The following NCKAP1 variants were observed in gnomAD, a reference collection of about 807,000 sequenced individuals.
NCKAP1 encodes nck-associated protein 1.
A neutral mutation model predicts 151.2 loss-of-function variants in NCKAP1; 21 were observed. That is an observed-to-expected ratio of 0.14 (90% CI 0.10 to 0.20). NCKAP1 has a LOEUF of 0.20. Ranked by LOEUF, NCKAP1 falls within the 10% of genes least tolerant of loss-of-function variation. The pLI is 1.00. For missense variants in NCKAP1, 933 were observed against 1,352.1 expected (o/e 0.69, Z 4.86); for synonymous variants, 484 against 451.8 (o/e 1.07, Z -0.90).
At position 182,949,831 on chromosome 2, in the gene NCKAP1, T is replaced by C. The variant is rs555877105; in HGVS notation, c.2601+2574A>G. 5.3e-5 allele frequency among the ~76,000 whole-genome samples: 8 copies of C among 152,272 alleles called. 1 individual carries two copies. Among genetic ancestry groups the C allele is most frequent in the African/African-American group, 1.9e-4 (8 of 41,568 alleles). On this transcript the variant is annotated intron_variant, in intron 23 of 30. Coordinates refer to ENST00000361354, the MANE Select transcript of NCKAP1 (RefSeq NM_013436.5). Reference sequence around the variant, plus strand: ...CAAACAAAGCTAGCTATTTTTATTTTTGCATCCAACAAATATTTACTAAGT... The same window carrying C: ...CAAACAAAGCTAGCTATTTTTATTTCTGCATCCAACAAATATTTACTAAGT...
intron 24 of NCKAP1, among the ~76,000 whole-genome samples, chr2:182,935,806 T>A (rs1339301146): frequency 3.3e-5 from 5 of 152,124 alleles, no homozygotes; most frequent in East Asian, 3.9e-4. Flanking sequence ...GCCCAGGAAC[T>A]CAGCAGTGCT....
At chr2:182,964,055 T>C (rs1360150819) in intron 17 of NCKAP1, among the ~76,000 whole-genome samples, 1 of 152,128 alleles carries the variant, frequency 6.6e-6, no homozygotes, top group Non-Finnish European at 1.5e-5. Context: ...AATAAAGAAA[T>C]ACATTATTTA....
chr2:183,037,873 G>A (rs1699134844), intron 1 of NCKAP1, 119 bp downstream of exon 1: 1 of 719,912 alleles, frequency 1.4e-6, no homozygotes, highest in Non-Finnish European at 2.1e-6. Context: ...GGCCTCGGGC[G>A]GCGACGCCGA....
At chr2:183,030,383 T>C (rs1478755681) in intron 1 of NCKAP1, among the ~76,000 whole-genome samples, 1 of 152,176 alleles carries the variant, frequency 6.6e-6, no homozygotes, top group Non-Finnish European at 1.5e-5. Context: ...ATTCCTTTGC[T>C]AAAATATGGA....
intron 8 of NCKAP1, among the ~76,000 whole-genome samples, chr2:182,993,572 C>A (rs1306472264): frequency 1.3e-5 from 2 of 152,054 alleles, no homozygotes; most frequent in Admixed American, 1.3e-4. Context: ...ATATCCTTTG[C>A]AGTAACACGG....
intron 23 of NCKAP1, among the ~76,000 whole-genome samples, chr2:182,946,520 C>G (rs988443385): frequency 6.6e-6 from 1 of 151,768 alleles, no homozygotes; most frequent in Admixed American, 6.6e-5. Flanking sequence ...ACAAAATAAT[C>G]TGTGTGCCAA....
Position 182,994,819 on chromosome 2 carries a change from C to A in NCKAP1, c.790+20G>T. On this transcript the variant is annotated intron_variant, in intron 8 of 30. Coordinates refer to ENST00000361354, the MANE Select transcript of NCKAP1 (RefSeq NM_013436.5). ...CATAAAGCCTGGGGAGTAATCATAACACTAACCCATTTTACTTACAGATAA... is the reference window on the plus strand; with the variant it reads ...CATAAAGCCTGGGGAGTAATCATAAAACTAACCCATTTTACTTACAGATAA... The A allele has an allele frequency of 2.5e-6, 4 of 1,583,708 alleles. No individual in the cohort carries two copies. The highest frequency in any genetic ancestry group is 3.5e-6 in the Non-Finnish European group (4 of 1,152,788).
At position 183,002,284 on chromosome 2, in the gene NCKAP1, A is replaced by G. The variant is rs759049242; in HGVS notation, c.370-15T>C. ...AAGTTTACAGTCTAGGAGAAAAAAAAATCAAGTTCAACTACTTCCTATTTC... is the reference window on the plus strand; with the variant it reads ...AAGTTTACAGTCTAGGAGAAAAAAAGATCAAGTTCAACTACTTCCTATTTC... On this transcript the variant is annotated splice_polypyrimidine_tract_variant and intron_variant, in intron 4 of 30. Coordinates refer to ENST00000361354, the MANE Select transcript of NCKAP1 (RefSeq NM_013436.5). 3.2e-5 allele frequency: 46 copies of G among 1,460,208 alleles called. No homozygotes were observed. The African/African-American group carries it at 4.7e-4, about 15-fold the overall frequency. 90.5% of individuals were successfully genotyped at this position (1,460,208 alleles called of 1,614,324 possible). A position where few individuals can be genotyped will look rare whatever the true frequency, so the allele number is the denominator to read the frequency against.
chr2:183,011,187 C>T (rs572612959), intron 2 of NCKAP1, among the ~76,000 whole-genome samples: 3 of 152,196 alleles, frequency 2.0e-5, no homozygotes, highest in East Asian at 1.9e-4. Context: ...TTTGCCTAAC[C>T]GGACTCAACA....
intron 9 of NCKAP1, among the ~76,000 whole-genome samples, chr2:182,988,442 T>C (rs530905499): frequency 1.3e-5 from 2 of 152,190 alleles, no homozygotes; most frequent in Admixed American, 1.3e-4. Flanking sequence ...TTGGCTTTTA[T>C]ATATTGGCTA....
Position 182,958,140 on chromosome 2 carries a change from ATTTTC to A in NCKAP1, c.1882-549_1882-545del, listed in dbSNP as rs776835923. Among the ~76,000 whole-genome samples the A allele has an allele frequency of 2.4e-4, 36 of 152,062 alleles. 1 individual carries two copies. The highest frequency in any genetic ancestry group is 7.8e-4 in the East Asian group (4 of 5,160). ...TAAAATAGCCACAGCATGAGGAGACATTTTCTTTTCTTTTCTTTTCTTTTGAGAAG... is the reference window on the plus strand; with the variant it reads ...TAAAATAGCCACAGCATGAGGAGACATTTTCTTTTCTTTTCTTTTGAGAAG... On this transcript the variant is annotated intron_variant, in intron 18 of 30. Coordinates refer to ENST00000361354, the MANE Select transcript of NCKAP1 (RefSeq NM_013436.5).
rs991559076 is a variant in NCKAP1 at position 182,919,458 on chromosome 2, T to C, written c.*6244A>G. On this transcript the variant is annotated 3_prime_UTR_variant, in exon 31 of 31. Transcript: ENST00000361354. ...AGAATCTGCATGCAATCAATGACCA[T>C]GTGACTAACGTAAGTTATGGTCATA... 2.6e-5 allele frequency: 4 copies of C among 152,198 alleles called. No individual in the cohort carries two copies. The highest frequency in any genetic ancestry group is 2.1e-4 in the South Asian group (1 of 4,836). 9.4% of individuals were successfully genotyped at this position (152,198 alleles called of 1,614,324 possible). A position where few individuals can be genotyped will look rare whatever the true frequency, so the allele number is the denominator to read the frequency against.
chr2:182,999,585 C>G (rs1476991639), intron 6 of NCKAP1, among the ~76,000 whole-genome samples: 2 of 152,180 alleles, frequency 1.3e-5, no homozygotes, highest in African/African-American at 4.8e-5. Context: ...CTGTGGAAAG[C>G]AGTTTGATGA....
At chr2:182,956,420 T>C (rs764174907) in intron 20 of NCKAP1, 42 bp downstream of exon 20, 1 of 1,579,644 alleles carries the variant, frequency 6.3e-7, no homozygotes, top group Non-Finnish European at 8.7e-7. Flanking sequence ...AACAAACTCA[T>C]TACTGAGTCA....
intron 15 of NCKAP1, among the ~76,000 whole-genome samples, chr2:182,973,783 T>C (rs1213179072): frequency 6.6e-6 from 1 of 152,172 alleles, no homozygotes; most frequent in African/African-American, 2.4e-5. Context: ...CTTACAGTAA[T>C]CCTTTATACT....
intron 15 of NCKAP1, among the ~76,000 whole-genome samples, chr2:182,973,931 T>C (rs1697750825): frequency 6.6e-6 from 1 of 152,228 alleles, no homozygotes; most frequent in African/African-American, 2.4e-5. Flanking sequence ...ATGACATCTC[T>C]TAATCTTTCA....
rs753429959 is a variant in NCKAP1 at position 182,962,298 on chromosome 2, A to G, written c.1762-20T>C. Reference sequence around the variant, plus strand: ...ATGTCGCTGTGAAGGCAGAATAATAATAATAATACAAGTTATAAAGAAAGT... The same window carrying G: ...ATGTCGCTGTGAAGGCAGAATAATAGTAATAATACAAGTTATAAAGAAAGT... On this transcript the variant is annotated intron_variant, in intron 17 of 30. Transcript: ENST00000361354. The G allele has an allele frequency of 6.4e-7, 1 of 1,570,726 alleles. No homozygotes were observed. Among genetic ancestry groups the G allele is most frequent in the South Asian group, 1.1e-5 (1 of 86,970 alleles).
chr2:182,948,710 T>C (rs930266042), intron 23 of NCKAP1, among the ~76,000 whole-genome samples: 1 of 152,088 alleles, frequency 6.6e-6, no homozygotes, highest in Non-Finnish European at 1.5e-5. Flanking sequence ...TCACAAAATA[T>C]AAGATGTGGA....
chr2:182,991,112 A>C (rs75653092), intron 8 of NCKAP1, among the ~76,000 whole-genome samples: 6,794 of 152,312 alleles, frequency 0.045, 213 homozygotes, highest in South Asian at 0.13. Flanking sequence ...TTGTACGTTA[A>C]CACTTACAAA....
Sources: gnomAD v4.1 joint callset for allele counts (sites outside exome capture counted in the v4.1 genomes callset) on GRCh38, gnomAD v4.1.1 for gene constraint, MANE v1.5 for transcripts, NCBI Gene and HGNC (gene_info 2026-07-23, HGNC 2026-07-21) for gene names.